JMJD4: variants seen among roughly 807,000 people sequenced by gnomAD.
The protein encoded by JMJD4 is jumonji domain containing 4, also known as 2-oxoglutarate and iron-dependent oxygenase JMJD4.
JMJD4 carries 34 observed loss-of-function variants against 36.3 expected under a neutral mutation model. The ratio of observed to expected loss-of-function variants is 0.94; its 90% CI spans 0.71 to 1.25. The LOEUF (loss-of-function observed/expected upper bound fraction) is 1.25, where lower values mean the gene tolerates loss of function less well. Ranked by LOEUF, JMJD4 falls within the 50% of genes most tolerant of loss-of-function variation. The pLI is 0.00. For synonymous variants in JMJD4, 269 were observed against 235.3 expected (o/e 1.14, Z -1.31); for missense variants, 584 against 559.1 (o/e 1.04, Z -0.45).
intron 3 of JMJD4, 98 bp downstream of exon 3, chr1:227,733,809 G>A (rs1203339204): frequency 1.3e-6 from 2 of 1,586,110 alleles, no homozygotes; most frequent in Middle Eastern, 1.7e-4. Flanking sequence ...CCCACTGTGA[G>A]GCCTGTGCCA....
At chr1:227,734,529 A>T in intron 2 of JMJD4, 122 bp downstream of exon 2, 2 of 851,334 alleles carry the variant, frequency 2.3e-6, no homozygotes, top group Non-Finnish European at 3.7e-6. Context: ...TAAACTGATT[A>T]AAGTGCCTCA....
At position 227,734,165 on chromosome 1, in the gene JMJD4, G is replaced by T. The variant is rs910176736; in HGVS notation, c.429-133C>A. 16 of 1,032,612 alleles carry T rather than the reference G, an allele frequency of 1.5e-5. No homozygotes were observed. In the African/African-American group the frequency reaches 2.4e-4, roughly 16 times the overall value. 64.0% of individuals were successfully genotyped at this position (1,032,612 alleles called of 1,614,324 possible). On this transcript the variant is annotated intron_variant, in intron 2 of 5. Coordinates refer to ENST00000620518, the MANE Select transcript of JMJD4 (RefSeq NM_023007.3). ...TGGCTGCAGCCCCCAAAGAGCCCCA[G>T]ACCCTCCTCTGAGCCAGACGCTGCT...
chr1:227,735,077 C>G lies in JMJD4; in HGVS notation c.197G>C (p.Gly66Ala). The G allele has an allele frequency of 6.4e-7, 1 of 1,571,002 alleles. No individual in the cohort carries two copies. The highest frequency in any genetic ancestry group is 8.6e-7 in the Non-Finnish European group (1 of 1,159,224). The change falls in exon 1 of 6, where the codon GGC becomes GCC. Residue 66 changes from glycine to alanine, a missense_variant. Transcript: ENST00000620518. ...VFSSAFTQGW[G>A]SRRRWVTPAG... ...GGGCGTCACCCAGCGCCGCCGGCTG[C>G]CCCAGCCCTGCGTGAAGGCGCTGGA...
At chr1:227,733,335 G>A in intron 4 of JMJD4, 79 bp downstream of exon 4, 1 of 1,447,712 alleles carries the variant, frequency 6.9e-7, no homozygotes, top group South Asian at 1.3e-5. Context: ...CCCAGCTCTG[G>A]CTGGGAGAGT....
chr1:227,732,194 C>G lies in JMJD4; in HGVS notation c.*198G>C, dbSNP rs1391926121. The G allele has an allele frequency of 1.6e-6, 1 of 632,112 alleles. No individual in the cohort carries two copies. The highest frequency in any genetic ancestry group is 2.8e-6 in the Non-Finnish European group (1 of 360,856). 39.2% of individuals were successfully genotyped at this position (632,112 alleles called of 1,614,324 possible). On this transcript the variant is annotated 3_prime_UTR_variant, in exon 6 of 6. Coordinates refer to ENST00000620518, the MANE Select transcript of JMJD4 (RefSeq NM_023007.3). ...CAGGCCTGCTGCAGGTCAGAAGGGC[C>G]ACATCCCATCTTGGGTCCCTGACCT...
chr1:227,732,158 C>G lies in JMJD4; in HGVS notation c.*234G>C. 1.7e-6 allele frequency: 1 copy of G among 590,590 alleles called. No homozygotes were observed. The highest frequency in any genetic ancestry group is 3.0e-6 in the Non-Finnish European group (1 of 332,266). The allele number at this position is 590,590 out of a possible 1,614,324, so 36.6% of individuals were successfully genotyped here. A position where few individuals can be genotyped will look rare whatever the true frequency, so the allele number is the denominator to read the frequency against. ...AAGAGCCAGGTCCTGGCACCATCTC[C>G]GAGCTCCCAGCAGGCCTGCTGCAGG... On this transcript the variant is annotated 3_prime_UTR_variant, in exon 6 of 6. Transcript: ENST00000620518.
intron 1 of JMJD4, 70 bp from the exon 2 acceptor site, chr1:227,734,886 A>C: frequency 1.3e-6 from 2 of 1,584,444 alleles, no homozygotes; most frequent in Non-Finnish European, 1.7e-6. Flanking sequence ...CTGCAGAGGA[A>C]CTCTCCAGGG....
In JMJD4 at chr1:227,733,035, G is replaced by A; in HGVS notation, c.823-8C>T. On this transcript the variant is annotated splice_region_variant and splice_polypyrimidine_tract_variant and intron_variant, in intron 4 of 5. Coordinates refer to ENST00000620518, the MANE Select transcript of JMJD4 (RefSeq NM_023007.3). ...GATGGAGATGGTGTCATCCTGGAAG[G>A]GGCACAGTGCAGGCAGGCCTGAGCC... is the stretch of plus-strand genomic sequence containing the variant. 1.2e-6 allele frequency: 2 copies of A among 1,613,372 alleles called. No individual in the cohort carries two copies. Among genetic ancestry groups the A allele is most frequent in the Non-Finnish European group, 1.7e-6 (2 of 1,179,984 alleles).
chr1:227,735,045 TC>T lies in JMJD4; in HGVS notation c.228del (p.Arg77GlyfsTer34). On this transcript the variant is annotated frameshift_variant, in exon 1 of 6. Coordinates refer to ENST00000620518, the MANE Select transcript of JMJD4 (RefSeq NM_023007.3). LOFTEE classifies it high-confidence loss of function. ...GSRRRWVTPA[G>X]RPDFDHLLRT... ...CGTAGCAGGTGGTCGAAGTCGGGCC[TC>T]CCCGCGGGCGTCACCCAGCGCCGCC... 1.3e-6 allele frequency: 2 copies of T among 1,552,460 alleles called. No individual in the cohort carries two copies. The highest frequency in any genetic ancestry group is 1.7e-6 in the Non-Finnish European group (2 of 1,150,132).
Position 227,734,014 on chromosome 1 carries a change from G to C in JMJD4, c.447C>G (p.Asp149Glu). The stretch of plus-strand genomic sequence containing the variant: ...AGAAGTACACAGGCAGGGTGAAAAC[G>C]TCCTCCACCGGAAAGTCCCTGTGAG... ...WHLCRDFPVE[D>E]VFTLPVYFSS... The change falls in exon 3 of 6, where the codon GAC becomes GAG. Residue 149 changes from aspartate to glutamate, a missense_variant. Transcript: ENST00000620518. 1.2e-6 allele frequency: 2 copies of C among 1,613,478 alleles called. No homozygotes were observed. Among genetic ancestry groups the C allele is most frequent in the Admixed American group, 1.7e-5 (1 of 60,004 alleles).
At position 227,732,132 on chromosome 1, in the gene JMJD4, A is replaced by C. The variant is rs993556344; in HGVS notation, c.*260T>G. The C allele has an allele frequency of 1.8e-6, 1 of 564,962 alleles. No individual in the cohort carries two copies. The highest frequency in any genetic ancestry group is 3.2e-6 in the Non-Finnish European group (1 of 315,990). The allele number at this position is 564,962 out of a possible 1,614,324, so 35.0% of individuals were successfully genotyped here. ...CTGGCCTAAGGAGGCAGGGCCCCCA[A>C]AAGAGCCAGGTCCTGGCACCATCTC... On this transcript the variant is annotated 3_prime_UTR_variant, in exon 6 of 6. Coordinates refer to ENST00000620518, the MANE Select transcript of JMJD4 (RefSeq NM_023007.3).
chr1:227,734,464 T>C (rs1660924621), intron 2 of JMJD4, 187 bp downstream of exon 2: 1 of 524,110 alleles, frequency 1.9e-6, no homozygotes, highest in South Asian at 3.5e-5. Context: ...AAAAACCATA[T>C]TGACCTCCCA....
Position 227,735,300 on chromosome 1 carries a change from T to C in JMJD4, c.-27A>G, listed in dbSNP as rs982656227. 6.2e-7 allele frequency: 1 copy of C among 1,604,524 alleles called. No homozygotes were observed. Among genetic ancestry groups the C allele is most frequent in the East Asian group, 2.2e-5 (1 of 44,586 alleles). On this transcript the variant is annotated 5_prime_UTR_variant, in exon 1 of 6. Transcript: ENST00000620518. ...CAGCTCAGCACGGGTCGAAGGACCC[T>C]CCTCCTCACTTCCGCCGGAGCGGAA...
intron 4 of JMJD4, 185 bp from the exon 5 acceptor site, chr1:227,733,212 G>A: frequency 2.3e-6 from 2 of 857,060 alleles, no homozygotes; most frequent in African/African-American, 1.7e-5. Flanking sequence ...TCAGGCCACA[G>A]TGAACCCAGA....
Position 227,734,693 on chromosome 1 carries a change from G to A in JMJD4, c.386C>T (p.Ser129Phe), listed in dbSNP as rs749289958. 9.9e-6 allele frequency: 16 copies of A among 1,614,190 alleles called. No individual in the cohort carries two copies. The Admixed American group carries it at 1.2e-4, about 12-fold the overall frequency. The stretch of plus-strand genomic sequence containing the variant: ...TTTGAGGTAGAGACAGCCCCTGGGA[G>A]AGGAGTAGCCCGCCTGTATGTACTC... ...WKEYIQAGYS[S>F]PRGCLYLKDW... Residue 129 changes from serine to phenylalanine, a missense_variant, in exon 2 of 6, where the codon TCT (serine) becomes TTT (phenylalanine). Ser to Phe is a radical substitution (Grantham distance 155). Transcript: ENST00000620518.
chr1:227,733,234 C>G (rs1026059058), intron 4 of JMJD4, 180 bp downstream of exon 4: 11 of 849,376 alleles, frequency 1.3e-5, no homozygotes, highest in Admixed American at 2.9e-5. Flanking sequence ...CAAGTAGACC[C>G]AGGGACCGGC....
rs1218631147 is a variant in JMJD4 at position 227,735,243 on chromosome 1, T to C, written c.31A>G (p.Ser11Gly). MDRETRALAD[S>G]HFRGLGVDVP... ...TCGACCCCCAGGCCTCGGAAGTGGCTGTCGGCGAGGGCGCGCGTCTCGCGG... is the reference window on the plus strand; with the variant it reads ...TCGACCCCCAGGCCTCGGAAGTGGCCGTCGGCGAGGGCGCGCGTCTCGCGG... Residue 11 changes from serine to glycine, a missense_variant, in exon 1 of 6, where the codon AGC (serine) becomes GGC (glycine). Physicochemically the swap from Ser to Gly is moderately conservative, Grantham distance 56. Coordinates refer to ENST00000620518, the MANE Select transcript of JMJD4 (RefSeq NM_023007.3). 1 of 1,601,320 alleles carries C rather than the reference T, an allele frequency of 6.2e-7. No homozygotes were observed. The highest frequency in any genetic ancestry group is 1.7e-5 in the Admixed American group (1 of 59,150).
chr1:227,734,196 G>A (rs1660892330), intron 2 of JMJD4, 164 bp from the exon 3 acceptor site: 2 of 729,892 alleles, frequency 2.7e-6, no homozygotes, highest in Non-Finnish European at 4.4e-6. Flanking sequence ...CTGCTGGCGG[G>A]GGAGGGGGCG....
At chr1:227,732,847 C>T (rs1375494089) in intron 5 of JMJD4, 34 bp downstream of exon 5, 4 of 1,610,538 alleles carry the variant, frequency 2.5e-6, no homozygotes, top group East Asian at 2.2e-5. Context: ...AAAGCCTCCC[C>T]CAGGAGGGTA....
Sources: allele counts gnomAD v4.1 joint callset, GRCh38; gene constraint gnomAD v4.1.1; transcripts MANE v1.5; gene names NCBI Gene and HGNC (gene_info 2026-07-23, HGNC 2026-07-21).